The following SPRED1 variants were observed in gnomAD, a reference collection of about 807,000 sequenced individuals.
The protein encoded by SPRED1 is sprouty related EVH1 domain containing 1.
SPRED1 carries 18 observed loss-of-function variants against 52.3 expected under a neutral mutation model. That is an observed-to-expected ratio of 0.34 (90% CI 0.24 to 0.51). SPRED1 has a LOEUF of 0.51. Ranked by LOEUF, SPRED1 falls within the 20% of genes least tolerant of loss-of-function variation. The probability of loss-of-function intolerance (pLI) is 0.97; values close to 1 mark genes in which losing one functional copy is unlikely to be tolerated. For missense variants in SPRED1, 485 were observed against 551.0 expected, an observed-to-expected ratio of 0.88 and a Z score of 1.20; for synonymous variants, 155 against 179.7, an observed-to-expected ratio of 0.86 and a Z score of 1.10.
intron 2 of SPRED1, among the ~76,000 whole-genome samples, chr15:38,300,597 C>T (rs1895131670): frequency 6.6e-6 from 1 of 151,964 alleles, no homozygotes; most frequent in East Asian, 1.9e-4. Context: ...ATTTCTTCCC[C>T]ACTTAAAGGG....
intron 1 of SPRED1, among the ~76,000 whole-genome samples, chr15:38,297,444 A>G (rs969366738): frequency 1.2e-4 from 19 of 152,186 alleles, no homozygotes; most frequent in Non-Finnish European, 2.2e-4. Flanking sequence ...TCTCAGGAGA[A>G]TTTAATATCT....
intron 4 of SPRED1, among the ~76,000 whole-genome samples, chr15:38,331,445 A>T (rs1329553823): frequency 4.4e-5 from 6 of 137,342 alleles, no homozygotes; most frequent in Admixed American, 6.9e-5. Context: ...TAACCCAGTT[A>T]AAAAAAAAAT....
Position 38,339,683 on chromosome 15 carries a change from G to C in SPRED1, c.424-54G>C, listed in dbSNP as rs1016888945. The C allele has an allele frequency of 6.5e-6, 10 of 1,536,022 alleles. No homozygotes were observed. The Admixed American group carries it at 8.4e-5, about 13-fold the overall frequency. On this transcript the variant is annotated intron_variant, in intron 4 of 6. Transcript: ENST00000299084. Reference sequence around the variant, plus strand: ...TTAGAGTGAAAGTATCTTATTTTGTGGTGGTGGTGGTTTTTATTCTGGCAA... The same window carrying C: ...TTAGAGTGAAAGTATCTTATTTTGTCGTGGTGGTGGTTTTTATTCTGGCAA...
chr15:38,293,910 A>G (rs189633443), intron 1 of SPRED1, among the ~76,000 whole-genome samples: 2 of 152,306 alleles, frequency 1.3e-5, no homozygotes, highest in Admixed American at 6.5e-5. Flanking sequence ...TCAAATATGA[A>G]TACTAGTAAT....
rs572591292 is a variant in SPRED1, at chr15:38,292,130, C to T, written c.33-7243C>T. Among the ~76,000 whole-genome samples, 4 of 152,268 alleles carry T rather than the reference C, an allele frequency of 2.6e-5. No individual in the cohort carries two copies. The East Asian group carries it at 7.7e-4, about 29-fold the overall frequency. On this transcript the variant is annotated intron_variant, in intron 1 of 6. Coordinates refer to ENST00000299084, the MANE Select transcript of SPRED1 (RefSeq NM_152594.3). The stretch of plus-strand genomic sequence containing the variant: ...CATCTCTTTCAAGCTCAAAGTTCCA[C>T]AAATCTCTAGGGCAGAGGCAAAATG...
In SPRED1 at chr15:38,299,531, G is replaced by A. The variant is rs372205720; in HGVS notation, c.191G>A (p.Arg64Gln). 1.9e-6 allele frequency: 3 copies of A among 1,613,740 alleles called. No homozygotes were observed. The highest frequency in any genetic ancestry group is 2.2e-5 in the East Asian group (1 of 44,846). ...GCADFFIRGE[R>Q]LRDKMVVLEC... ...GCTGACTTTTTTATCCGTGGAGAGC[G>A]ACTCAGGGACAAAATGGTAATGAAT... is the stretch of plus-strand genomic sequence containing the variant. The change falls in exon 2 of 7, where the codon CGA becomes CAA. Residue 64 changes from arginine to glutamine, a missense_variant. Coordinates refer to ENST00000299084, the MANE Select transcript of SPRED1 (RefSeq NM_152594.3).
intron 1 of SPRED1, among the ~76,000 whole-genome samples, chr15:38,273,519 TAA>T (rs1491461742): frequency 1.6e-4 from 18 of 112,986 alleles, no homozygotes; most frequent in African/African-American, 5.4e-4. Flanking sequence ...TATGTATTAT[TAA>T]TATATATATA....
intron 4 of SPRED1, 81 bp downstream of exon 4, chr15:38,324,890 T>G: frequency 8.9e-7 from 1 of 1,128,520 alleles, no homozygotes; most frequent in Non-Finnish European, 1.3e-6. Context: ...ACTTATCAAT[T>G]ACTAAGAATA....
chr15:38,261,092 AT>A (rs1268930705), intron 1 of SPRED1, among the ~76,000 whole-genome samples: 1 of 152,218 alleles, frequency 6.6e-6, no homozygotes, highest in Non-Finnish European at 1.5e-5. Context: ...AAAGCAGTGC[AT>A]TTTATCACAT....
intron 4 of SPRED1, among the ~76,000 whole-genome samples, chr15:38,336,647 T>C (rs2141005348): frequency 6.6e-6 from 1 of 151,250 alleles, no homozygotes; most frequent in South Asian, 2.1e-4. Context: ...CTGGATGGAA[T>C]TGGAAACTAT....
intron 1 of SPRED1, among the ~76,000 whole-genome samples, chr15:38,280,401 A>T (rs1020143212): frequency 1.3e-5 from 2 of 152,186 alleles, no homozygotes; most frequent in African/African-American, 2.4e-5. Flanking sequence ...TAGCTTATAG[A>T]TGAGTTGCTT....
In SPRED1 at chr15:38,351,513, C is replaced by T. The variant is rs991687184; in HGVS notation, c.1184C>T (p.Thr395Ile). 2 of 1,614,154 alleles carry T rather than the reference C, an allele frequency of 1.2e-6. No homozygotes were observed. The highest frequency in any genetic ancestry group is 1.3e-5 in the African/African-American group (1 of 75,042). Reference protein sequence around the residue: ...GDFSDPCSCDTSDDKFCLRWL... With the variant: ...GDFSDPCSCDISDDKFCLRWL... ...TTTTCTGATCCCTGTTCGTGTGACA[C>T]TAGCGACGACAAGTTCTGCTTGCGA... The change falls in exon 7 of 7, where the codon ACT (threonine) becomes ATT (isoleucine). Residue 395 changes from threonine to isoleucine, a missense_variant. This residue lies in a region of SPRED1 where 205 missense variants were observed against 245.2 expected (regional missense o/e 0.84). Coordinates refer to ENST00000299084, the MANE Select transcript of SPRED1 (RefSeq NM_152594.3).
At position 38,299,499 on chromosome 15, in the gene SPRED1, T is replaced by C; in HGVS notation, c.159T>C (p.Asn53=). The part of the protein sequence containing the change: ...TVFKVPHQEE[N]GCADFFIRGE... ...TCAAAGTCCCTCATCAGGAAGAGAA[T>C]GGCTGTGCTGACTTTTTTATCCGTG... Residue 53 remains asparagine (N), a synonymous_variant, in exon 2 of 7, where the codon AAT becomes AAC. Coordinates refer to ENST00000299084, the MANE Select transcript of SPRED1 (RefSeq NM_152594.3). 1.2e-6 allele frequency: 2 copies of C among 1,614,032 alleles called. No individual in the cohort carries two copies. The highest frequency in any genetic ancestry group is 1.7e-6 in the Non-Finnish European group (2 of 1,179,930).
At chr15:38,276,793 T>C (rs1894564038) in intron 1 of SPRED1, among the ~76,000 whole-genome samples, 2 of 152,236 alleles carry the variant, frequency 1.3e-5, no homozygotes, top group Non-Finnish European at 2.9e-5. Flanking sequence ...ATTTTGAGCC[T>C]GTCCTTTTAA....
intron 3 of SPRED1, among the ~76,000 whole-genome samples, chr15:38,322,720 G>A (rs1203698225): frequency 6.6e-6 from 1 of 152,126 alleles, no homozygotes; most frequent in African/African-American, 2.4e-5. Context: ...ATGTACAGCT[G>A]CGAGAATCCC....
At chr15:38,296,000 CTG>C (rs903833554) in intron 1 of SPRED1, among the ~76,000 whole-genome samples, 1 of 152,128 alleles carries the variant, frequency 6.6e-6, no homozygotes, top group Non-Finnish European at 1.5e-5. Flanking sequence ...AGTATTAAAA[CTG>C]TGCAGTGTAT....
chr15:38,339,660 A>T, intron 4 of SPRED1, 77 bp from the exon 5 acceptor site: 1 of 1,459,324 alleles, frequency 6.9e-7, no homozygotes, highest in Non-Finnish European at 9.6e-7. Flanking sequence ...AATACTTTTT[A>T]GAGTGAAAGT....
At chr15:38,312,805 A>G (rs1895395285) in intron 2 of SPRED1, among the ~76,000 whole-genome samples, 1 of 151,880 alleles carries the variant, frequency 6.6e-6, no homozygotes, top group Non-Finnish European at 1.5e-5. Flanking sequence ...ATTCTTTATT[A>G]ATTTTTAAAT....
Position 38,351,782 on chromosome 15 carries a change from A to G in SPRED1, c.*118A>G, listed in dbSNP as rs1888495778. ...TTGCCTGGTATCATTGAGCCCACACATGGAGGAAGCAGAACTCATCAGTTC... is the reference window on the plus strand; with the variant it reads ...TTGCCTGGTATCATTGAGCCCACACGTGGAGGAAGCAGAACTCATCAGTTC... On this transcript the variant is annotated 3_prime_UTR_variant, in exon 7 of 7. Transcript: ENST00000299084. 10 of 1,257,912 alleles carry G rather than the reference A, an allele frequency of 7.9e-6. No homozygotes were observed. Among genetic ancestry groups the G allele is most frequent in the East Asian group, 7.5e-5 (3 of 40,060 alleles). 77.9% of individuals were successfully genotyped at this position (1,257,912 alleles called of 1,614,324 possible). A position where few individuals can be genotyped will look rare whatever the true frequency, so the allele number is the denominator to read the frequency against.
Sources: allele counts gnomAD v4.1 joint callset (sites outside exome capture counted in the v4.1 genomes callset), GRCh38; gene constraint gnomAD v4.1.1; regional missense constraint gnomAD v4.1.1; transcripts MANE v1.5; gene names NCBI Gene and HGNC (gene_info 2026-07-23, HGNC 2026-07-21).